Variants in ZMIZ1 observed in about 807,000 individuals in gnomAD.
ZMIZ1 encodes zinc finger MIZ-type containing 1, also known as zinc finger MIZ domain-containing protein 1.
In ZMIZ1, 17 loss-of-function variants were observed where a neutral mutation model predicts 113.9. The observed-to-expected ratio is 0.15, with a 90% CI of 0.10 to 0.22. The LOEUF is 0.22. ZMIZ1 is among the 10% of genes least tolerant of loss of function. The probability of loss-of-function intolerance (pLI) is 1.00; values close to 1 mark genes in which losing one functional copy is unlikely to be tolerated. For synonymous variants in ZMIZ1, 607 were observed against 603.1 expected (o/e 1.01, Z -0.09); for missense variants, 1,059 against 1,477.8 (o/e 0.72, Z 4.65).
chr10:79,085,210 G>A (rs1306989965), intron 1 of ZMIZ1, among the ~76,000 whole-genome samples: 2 of 152,190 alleles, frequency 1.3e-5, no homozygotes, highest in Non-Finnish European at 2.9e-5. Flanking sequence ...CCAAGAGTTA[G>A]CCAAGCACAA....
chr10:79,165,959 T>TGCGCGCGCATGCGCGCGCGC (rs1564692663), intron 4 of ZMIZ1, among the ~76,000 whole-genome samples: 1 of 32,098 alleles, frequency 3.1e-5, no homozygotes, highest in African/African-American at 2.2e-4. Context: ...TGTGTGTGTG[T>TGCGCGCGCATGCGCGCGCGC]GTGTGTGTGT....
chr10:79,215,117 G>T (rs2132708599), intron 6 of ZMIZ1, among the ~76,000 whole-genome samples: 1 of 152,282 alleles, frequency 6.6e-6, no homozygotes, highest in East Asian at 1.9e-4. Flanking sequence ...ATTTGCTGGG[G>T]CTTAAGGCTA....
intron 8 of ZMIZ1, among the ~76,000 whole-genome samples, chr10:79,284,551 GC>G (rs1852942942): frequency 6.6e-6 from 1 of 152,186 alleles, no homozygotes; most frequent in African/African-American, 2.4e-5. Flanking sequence ...GCTGTGTATG[GC>G]TGGTTGGAGG....
intron 1 of ZMIZ1, among the ~76,000 whole-genome samples, chr10:79,075,868 G>A (rs1842457421): frequency 6.6e-6 from 1 of 152,216 alleles, no homozygotes; most frequent in Admixed American, 6.5e-5. Flanking sequence ...CTGTTTTGGT[G>A]TCTGGCTTAA....
At chr10:79,254,872 A>G (rs758116557) in intron 7 of ZMIZ1, among the ~76,000 whole-genome samples, 4 of 152,204 alleles carry the variant, frequency 2.6e-5, no homozygotes, top group Non-Finnish European at 4.4e-5. Flanking sequence ...GATTTTCAGC[A>G]CATTGCCCGA....
intron 4 of ZMIZ1, among the ~76,000 whole-genome samples, chr10:79,187,054 T>C (rs1847378903): frequency 6.6e-6 from 1 of 152,172 alleles, no homozygotes; most frequent in African/African-American, 2.4e-5. Flanking sequence ...AGCAGGTAGG[T>C]TGGTACTGTT....
At chr10:79,202,189 G>GAAA (rs58021590) in intron 5 of ZMIZ1, among the ~76,000 whole-genome samples, 587 of 52,550 alleles carry the variant, frequency 0.011, no homozygotes, top group Middle Eastern at 0.042. Flanking sequence ...CCCTGTCTCA[G>GAAA]AAAAAAAAAA....
intron 1 of ZMIZ1, among the ~76,000 whole-genome samples, chr10:79,098,942 G>C (rs1843262401): frequency 6.6e-6 from 1 of 152,238 alleles, no homozygotes; most frequent in South Asian, 2.1e-4. Context: ...CTGTGGTGCA[G>C]ACGTCTGCAT....
At chr10:79,279,336 C>T (rs891483974) in intron 8 of ZMIZ1, among the ~76,000 whole-genome samples, 3 of 149,200 alleles carry the variant, frequency 2.0e-5, no homozygotes, top group African/African-American at 7.5e-5. Flanking sequence ...GGGTCGCGGC[C>T]GGGCAGAGGT....
chr10:79,104,259 G>A (rs530235323), intron 1 of ZMIZ1, among the ~76,000 whole-genome samples: 41 of 152,306 alleles, frequency 2.7e-4, no homozygotes, highest in East Asian at 1.5e-3. Flanking sequence ...GGGTCATGGC[G>A]TGAGTAAAGG....
At chr10:79,150,907 C>T (rs985181715) in intron 3 of ZMIZ1, among the ~76,000 whole-genome samples, 3 of 152,082 alleles carry the variant, frequency 2.0e-5, no homozygotes, top group Admixed American at 1.3e-4. Flanking sequence ...CCAACCCCAT[C>T]CTCTTCCTCC....
At chr10:79,159,438 GAGCAGCT>G (rs1357170226) in intron 3 of ZMIZ1, among the ~76,000 whole-genome samples, 11 of 152,326 alleles carry the variant, frequency 7.2e-5, no homozygotes, top group African/African-American at 2.6e-4. Context: ...CAGGGCTGCT[GAGCAGCT>G]CCCAGGGCTG....
At chr10:79,183,356 G>GCA (rs1564704161) in intron 4 of ZMIZ1, among the ~76,000 whole-genome samples, 3 of 81,080 alleles carry the variant, frequency 3.7e-5, no homozygotes, top group East Asian at 4.8e-4. Flanking sequence ...GCTCGTGCAC[G>GCA]CGCACACACA....
chr10:79,315,946 C>T lies in ZMIZ1; in HGVS notation c.*3197C>T, dbSNP rs1046630364. ...GTGAGTTCTCCACGTCTGTCTCTCTCGCTCATGTAATATACTCTGACCCTG... is the reference window on the plus strand; with the variant it reads ...GTGAGTTCTCCACGTCTGTCTCTCTTGCTCATGTAATATACTCTGACCCTG... On this transcript the variant is annotated 3_prime_UTR_variant, in exon 25 of 25. Coordinates refer to ENST00000334512, the MANE Select transcript of ZMIZ1 (RefSeq NM_020338.4). 3 of 152,612 alleles carry T rather than the reference C, an allele frequency of 2.0e-5. No individual in the cohort carries two copies. The highest frequency in any genetic ancestry group is 2.9e-5 in the Non-Finnish European group (2 of 68,048). 9.5% of individuals were successfully genotyped at this position (152,612 alleles called of 1,614,324 possible). A position where few individuals can be genotyped will look rare whatever the true frequency, so the allele number is the denominator to read the frequency against.
intron 7 of ZMIZ1, among the ~76,000 whole-genome samples, chr10:79,261,665 G>A (rs771207983): frequency 7.9e-5 from 12 of 152,230 alleles, no homozygotes; most frequent in Non-Finnish European, 1.6e-4. Flanking sequence ...ACCAGCAAGT[G>A]GTGTTGCTGA....
intron 4 of ZMIZ1, among the ~76,000 whole-genome samples, chr10:79,174,595 G>C (rs1049428827): frequency 6.6e-6 from 1 of 152,260 alleles, no homozygotes; most frequent in Non-Finnish European, 1.5e-5. Context: ...TGGCAGGGAA[G>C]GGATGCTCAT....
At chr10:79,212,881 T>C (rs934731607) in intron 6 of ZMIZ1, among the ~76,000 whole-genome samples, 1 of 152,068 alleles carries the variant, frequency 6.6e-6, no homozygotes, top group Non-Finnish European at 1.5e-5. Context: ...GGATTACAGG[T>C]GTGAGCCACC....
Position 79,298,472 on chromosome 10 carries a change from A to T in ZMIZ1, c.1558A>T (p.Met520Leu). 1 of 1,602,904 alleles carries T rather than the reference A, an allele frequency of 6.2e-7. No individual in the cohort carries two copies. The highest frequency in any genetic ancestry group is 8.5e-7 in the Non-Finnish European group (1 of 1,174,810). The change falls in exon 15 of 25, where the codon ATG becomes TTG. Residue 520 changes from methionine to leucine, a missense_variant. Met to Leu is a conservative substitution (Grantham distance 15, BLOSUM62 2). Coordinates refer to ENST00000334512, the MANE Select transcript of ZMIZ1 (RefSeq NM_020338.4). The part of the protein sequence containing the change: ...SPVPGNPTPP[M>L]TPGSSIPPYL... ...TGTTCCAGGGAACCCCACACCCCCCATGACCCCTGGGAGCAGCATCCCTCC... is the reference window on the plus strand; with the variant it reads ...TGTTCCAGGGAACCCCACACCCCCCTTGACCCCTGGGAGCAGCATCCCTCC...
intron 1 of ZMIZ1, among the ~76,000 whole-genome samples, chr10:79,086,037 G>A (rs1418854791): frequency 6.6e-6 from 1 of 152,172 alleles, no homozygotes; most frequent in Non-Finnish European, 1.5e-5. Context: ...TTCTAGCTGG[G>A]ACTCTCCTTT....
Sources: gnomAD v4.1 joint callset for allele counts (sites outside exome capture counted in the v4.1 genomes callset) on GRCh38, gnomAD v4.1.1 for gene constraint, MANE v1.5 for transcripts, NCBI Gene and HGNC (gene_info 2026-07-23, HGNC 2026-07-21) for gene names.